ZEB2: variants seen among roughly 807,000 people sequenced by gnomAD.
ZEB2 encodes zinc finger E-box-binding homeobox 2.
ZEB2 carries 6 observed loss-of-function variants against 99.9 expected under a neutral mutation model. The observed-to-expected ratio is 0.06, with a 90% confidence interval of 0.03 to 0.12. ZEB2 has a LOEUF of 0.12. Ranked by LOEUF, ZEB2 falls within the 10% of genes least tolerant of loss-of-function variation. The pLI is 1.00. For missense variants in ZEB2, 969 were observed against 1,502.8 expected (o/e 0.64, Z 5.87); for synonymous variants, 517 against 542.5 (o/e 0.95, Z 0.65).
intron 2 of ZEB2, among the ~76,000 whole-genome samples, chr2:144,480,004 G>A (rs907330543): frequency 2.0e-5 from 3 of 152,094 alleles, no homozygotes; most frequent in African/African-American, 7.2e-5. Flanking sequence ...GTAGCTTGTT[G>A]TGACCCCGCA....
At chr2:144,517,511 G>T in intron 1 of ZEB2, 92 bp from the exon 2 acceptor site, 3 of 827,692 alleles carry the variant, frequency 3.6e-6, no homozygotes, top group South Asian at 1.4e-5. Context: ...GGGCCCCGGC[G>T]AGCACCCATC....
At chr2:144,445,566 A>C (rs983633127) in intron 2 of ZEB2, among the ~76,000 whole-genome samples, 1 of 152,148 alleles carries the variant, frequency 6.6e-6, no homozygotes, top group Non-Finnish European at 1.5e-5. Flanking sequence ...CTAGTCTCAC[A>C]GAAGATGCTT....
At chr2:144,460,218 ACGT>A (rs1560633382) in intron 2 of ZEB2, among the ~76,000 whole-genome samples, 1 of 152,146 alleles carries the variant, frequency 6.6e-6, no homozygotes, top group Non-Finnish European at 1.5e-5. Context: ...AACCATGGAC[ACGT>A]CAGTGTTGTT....
chr2:144,511,416 T>C (rs1026266182), intron 2 of ZEB2: 2 of 1,227,658 alleles, frequency 1.6e-6, no homozygotes, highest in Non-Finnish European at 2.1e-6. Context: ...ATTTACTTTG[T>C]AACTACTAGT....
chr2:144,422,667 G>A (rs901303665), intron 4 of ZEB2, among the ~76,000 whole-genome samples: 1 of 152,284 alleles, frequency 6.6e-6, no homozygotes, highest in East Asian at 1.9e-4. Context: ...GGGCATGGTG[G>A]TGCATGCCTG....
At chr2:144,471,565 CT>C (rs1033627074) in intron 2 of ZEB2, among the ~76,000 whole-genome samples, 2 of 151,016 alleles carry the variant, frequency 1.3e-5, no homozygotes, top group Admixed American at 1.3e-4. Context: ...CCCCACAAAA[CT>C]TTTGCATAAG....
chr2:144,410,505 G>A (rs781068529), intron 4 of ZEB2, among the ~76,000 whole-genome samples: 6 of 152,136 alleles, frequency 3.9e-5, no homozygotes, highest in Non-Finnish European at 8.8e-5. Flanking sequence ...AAATAAAAGA[G>A]AAATATTGGT....
intron 2 of ZEB2, among the ~76,000 whole-genome samples, chr2:144,436,568 A>G (rs540396273): frequency 5.0e-4 from 76 of 152,326 alleles, no homozygotes; most frequent in African/African-American, 1.7e-3. Flanking sequence ...CATCTTGGGA[A>G]GATGGCAGCC....
rs2149898449 is a variant in ZEB2, at chr2:144,447,648, CA to C, written c.74-17623del. ...GTACCATGGTACTGGACTACCTAAACATGCTGAGGCCATTTCCCCTTTGAAG... is the reference window on the plus strand; with the variant it reads ...GTACCATGGTACTGGACTACCTAAACTGCTGAGGCCATTTCCCCTTTGAAG... On this transcript the variant is annotated intron_variant, in intron 2 of 9. Transcript: ENST00000627532. Among the ~76,000 whole-genome samples, 2 of 152,310 alleles carry C rather than the reference CA, an allele frequency of 1.3e-5. 1 individual carries two copies. Among genetic ancestry groups the C allele is most frequent in the Admixed American group, 1.3e-4 (2 of 15,308 alleles).
intron 2 of ZEB2, among the ~76,000 whole-genome samples, chr2:144,459,176 G>A (rs565367874): frequency 1.3e-5 from 2 of 152,194 alleles, no homozygotes; most frequent in Non-Finnish European, 2.9e-5. Flanking sequence ...GGTAGCTACT[G>A]GAGATCTTAG....
chr2:144,498,709 C>A (rs1704825378), intron 2 of ZEB2, among the ~76,000 whole-genome samples: 1 of 152,180 alleles, frequency 6.6e-6, no homozygotes. Flanking sequence ...GCTGAGCTGT[C>A]ACCTCTAAAT....
At chr2:144,467,162 T>TAA (rs199536081) in intron 2 of ZEB2, among the ~76,000 whole-genome samples, 3,338 of 140,576 alleles carry the variant, frequency 0.024, 55 homozygotes, top group Admixed American at 0.034. Flanking sequence ...CATTGTTAAA[T>TAA]AAAAAAAAAA....
At chr2:144,511,535 C>T in intron 2 of ZEB2, 4 of 1,280,948 alleles carry the variant, frequency 3.1e-6, no homozygotes, top group South Asian at 2.5e-5. Context: ...TGATTATTAT[C>T]GTTTTCCTTT....
intron 4 of ZEB2, among the ~76,000 whole-genome samples, chr2:144,410,873 T>C (rs190347766): frequency 6.7e-4 from 101 of 151,658 alleles, no homozygotes; most frequent in Non-Finnish European, 1.3e-4. Context: ...AGCAAGTATA[T>C]GTAAAAAACT....
At chr2:144,473,549 A>G (rs1175984010) in intron 2 of ZEB2, among the ~76,000 whole-genome samples, 1 of 152,084 alleles carries the variant, frequency 6.6e-6, no homozygotes, top group Non-Finnish European at 1.5e-5. Flanking sequence ...AGGCATGTAC[A>G]ATAGAGGTCA....
At chr2:144,485,664 A>C (rs1704583711) in intron 2 of ZEB2, among the ~76,000 whole-genome samples, 1 of 151,874 alleles carries the variant, frequency 6.6e-6, no homozygotes, top group South Asian at 2.1e-4. Flanking sequence ...CTGTCACCTG[A>C]GCTGGGGTGC....
chr2:144,503,039 T>C (rs1704896664), intron 2 of ZEB2, among the ~76,000 whole-genome samples: 1 of 152,184 alleles, frequency 6.6e-6, no homozygotes, highest in Admixed American at 6.5e-5. Flanking sequence ...AAATAAATAA[T>C]GACTTTCAAC....
At chr2:144,510,868 G>T (rs1406500463) in intron 2 of ZEB2, among the ~76,000 whole-genome samples, 1 of 152,164 alleles carries the variant, frequency 6.6e-6, no homozygotes, top group East Asian at 1.9e-4. Flanking sequence ...AGACACAGCG[G>T]ATCAGATATG....
At chr2:144,406,958 T>A (rs1395550846) in intron 4 of ZEB2, among the ~76,000 whole-genome samples, 1 of 152,192 alleles carries the variant, frequency 6.6e-6, no homozygotes, top group Non-Finnish European at 1.5e-5. Flanking sequence ...ATTCCTCAGA[T>A]TCATCTGGGA....
Sources: allele counts gnomAD v4.1 joint callset (sites outside exome capture counted in the v4.1 genomes callset), GRCh38; gene constraint gnomAD v4.1.1; transcripts MANE v1.5; gene names NCBI Gene and HGNC (gene_info 2026-07-23, HGNC 2026-07-21).